The following NTRK2 variants were observed in gnomAD, a reference collection of about 807,000 sequenced individuals.
NTRK2 encodes BDNF/NT-3 growth factors receptor.
Under a neutral mutation model 94.5 loss-of-function variants are expected in NTRK2, and 13 were observed. The ratio of observed to expected loss-of-function variants is 0.14; its 90% confidence interval spans 0.09 to 0.22. NTRK2 has a LOEUF of 0.22. Among genes scored for constraint, NTRK2 ranks in the 10% least tolerant of loss-of-function variants. The probability of loss-of-function intolerance (pLI) is 1.00; values close to 1 mark genes in which losing one functional copy is unlikely to be tolerated. For synonymous variants in NTRK2, 372 were observed against 407.4 expected, an observed-to-expected ratio of 0.91 and a Z score of 1.05; for missense variants, 639 against 1,071.2, an observed-to-expected ratio of 0.60 and a Z score of 5.63.
chr9:84,759,576 A>G (rs2065371986), intron 12 of NTRK2, among the ~76,000 whole-genome samples: 1 of 152,254 alleles, frequency 6.6e-6, no homozygotes, highest in African/African-American at 2.4e-5. Context: ...GAAAGAGCCT[A>G]TAAAAAATTA....
intron 15 of NTRK2, among the ~76,000 whole-genome samples, chr9:84,944,215 T>TCTCACACA (rs1440338055): frequency 6.6e-5 from 8 of 120,332 alleles, no homozygotes; most frequent in South Asian, 2.7e-4. Flanking sequence ...TCTCTCTCTC[T>TCTCACACA]CACACACACA....
At chr9:84,853,908 C>T (rs934402328) in intron 12 of NTRK2, among the ~76,000 whole-genome samples, 11 of 151,938 alleles carry the variant, frequency 7.2e-5, no homozygotes, top group African/African-American at 2.4e-4. Flanking sequence ...GGTAAAACCT[C>T]GTCTCTACTA....
chr9:84,806,157 C>T (rs1214447131), intron 12 of NTRK2, among the ~76,000 whole-genome samples: 2 of 152,182 alleles, frequency 1.3e-5, no homozygotes, highest in Non-Finnish European at 2.9e-5. Context: ...GATGTGCTCC[C>T]TCTGTCCTCC....
At chr9:84,870,376 A>C (rs1306790373) in intron 14 of NTRK2, among the ~76,000 whole-genome samples, 1 of 82,392 alleles carries the variant, frequency 1.2e-5, no homozygotes, top group African/African-American at 3.7e-5. Flanking sequence ...AAACTCTGTC[A>C]CCCAGGCTGG....
At chr9:85,005,679 G>A (rs1018938557) in intron 17 of NTRK2, among the ~76,000 whole-genome samples, 11 of 152,134 alleles carry the variant, frequency 7.2e-5, no homozygotes, top group African/African-American at 2.7e-4. Flanking sequence ...ACACATAGAA[G>A]CTGTTCCTGG....
intron 12 of NTRK2, among the ~76,000 whole-genome samples, chr9:84,795,495 T>G (rs1465415102): frequency 6.6e-6 from 1 of 152,102 alleles, no homozygotes; most frequent in African/African-American, 2.4e-5. Context: ...CCGAGCACAG[T>G]GCAGTCTTTC....
At chr9:84,954,186 CAG>C (rs541010467) in intron 16 of NTRK2, among the ~76,000 whole-genome samples, 226 of 152,316 alleles carry the variant, frequency 1.5e-3, no homozygotes, top group African/African-American at 5.3e-3. Flanking sequence ...TTTCCTTTCC[CAG>C]AGAGAAGCCC....
At chr9:84,703,447 C>T (rs1488360787) in intron 4 of NTRK2, among the ~76,000 whole-genome samples, 4 of 152,184 alleles carry the variant, frequency 2.6e-5, no homozygotes, top group Non-Finnish European at 5.9e-5. Flanking sequence ...GGGCCAACCC[C>T]TCTCCATGTT....
At position 84,776,070 on chromosome 9, in the gene NTRK2, A is replaced by G. The variant is rs1012018117; in HGVS notation, c.1396+23985A>G. 2.6e-5 allele frequency among the ~76,000 whole-genome samples: 4 copies of G among 152,064 alleles called. No individual in the cohort carries two copies. The East Asian group carries it at 7.7e-4, about 29-fold the overall frequency. ...TGGGCTGTTTTCTACATTATTACCT[A>G]AGAGAGTATCTATAAAGCATCTCTG... On this transcript the variant is annotated intron_variant, in intron 12 of 18. Coordinates refer to ENST00000277120, the MANE Select transcript of NTRK2 (RefSeq NM_006180.6).
chr9:84,672,301 G>A (rs1327153728), intron 2 of NTRK2, among the ~76,000 whole-genome samples: 2 of 152,104 alleles, frequency 1.3e-5, no homozygotes, highest in African/African-American at 2.4e-5. Flanking sequence ...GAGATGTGTC[G>A]GGAGCAGCCA....
intron 12 of NTRK2, among the ~76,000 whole-genome samples, chr9:84,800,668 G>A (rs2133377531): frequency 6.6e-6 from 1 of 152,236 alleles, no homozygotes; most frequent in African/African-American, 2.4e-5. Flanking sequence ...TTCTACCATG[G>A]GTGTGAAATC....
chr9:84,815,534 T>TC (rs5898874), intron 12 of NTRK2: 14 of 1,021,870 alleles, frequency 1.4e-5, no homozygotes, highest in East Asian at 6.4e-5. Context: ...TTTTTTTTTT[T>TC]CCTATAATGT....
At chr9:84,706,530 T>TTTTTG (rs2061096592) in intron 4 of NTRK2, among the ~76,000 whole-genome samples, 1 of 119,246 alleles carries the variant, frequency 8.4e-6, no homozygotes, top group African/African-American at 3.2e-5. Context: ...TGTTTTTGTT[T>TTTTTG]TTTTTTTTTT....
intron 17 of NTRK2, among the ~76,000 whole-genome samples, chr9:84,960,001 T>C (rs55857593): frequency 0.12 from 17,715 of 152,278 alleles, 1,118 homozygotes; most frequent in Admixed American, 0.17. Flanking sequence ...CTCTTGGGCT[T>C]CAGCTTTATG....
intron 16 of NTRK2, 113 bp from the exon 17 acceptor site, chr9:84,955,170 C>G: frequency 1.2e-6 from 1 of 832,882 alleles, no homozygotes. Flanking sequence ...GCACCAGCAG[C>G]TACAGGGTGG....
intron 11 of NTRK2, among the ~76,000 whole-genome samples, chr9:84,749,835 C>A (rs1288931811): frequency 6.6e-6 from 1 of 152,186 alleles, no homozygotes; most frequent in Non-Finnish European, 1.5e-5. Context: ...TTAATCTCTA[C>A]CCTATAATGC....
chr9:84,723,730 T>C, intron 7 of NTRK2, 21 bp downstream of exon 7: 2 of 1,614,066 alleles, frequency 1.2e-6, no homozygotes, highest in Non-Finnish European at 1.7e-6. Context: ...TGTTTGGCTG[T>C]GTCTTAATAG....
chr9:84,757,553 C>T (rs2065193119), intron 12 of NTRK2, among the ~76,000 whole-genome samples: 1 of 152,186 alleles, frequency 6.6e-6, no homozygotes, highest in Non-Finnish European at 1.5e-5. Context: ...CTCTTACGAG[C>T]TATGTGACTT....
chr9:84,931,716 C>CAAAAAAAAA (rs11395381), intron 14 of NTRK2, among the ~76,000 whole-genome samples: 22 of 100,358 alleles, frequency 2.2e-4, no homozygotes, highest in African/African-American at 4.5e-4. Context: ...TAATAAAATG[C>CAAAAAAAAA]AAAAAAAAAA....
Sources: allele counts gnomAD v4.1 joint callset (sites outside exome capture counted in the v4.1 genomes callset), GRCh38; gene constraint gnomAD v4.1.1; transcripts MANE v1.5; gene names NCBI Gene and HGNC (gene_info 2026-07-23, HGNC 2026-07-21).